NEURL1: variants seen among roughly 807,000 people sequenced by gnomAD.
NEURL1 encodes E3 ubiquitin-protein ligase NEURL1.
NEURL1 carries 26 observed loss-of-function variants against 41.2 expected under a neutral mutation model. The observed-to-expected ratio is 0.63, with a 90% CI of 0.46 to 0.87. NEURL1 has a LOEUF of 0.87. Among genes scored for constraint, NEURL1 ranks in the 40% least tolerant of loss-of-function variants. NEURL1 has a pLI of 0.00. For missense variants in NEURL1, 761 were observed against 871.1 expected, an observed-to-expected ratio of 0.87 and a Z score of 1.59; for synonymous variants, 400 against 402.3, an observed-to-expected ratio of 0.99 and a Z score of 0.07.
chr10:103,557,752 CCTT>C (rs1195596956), intron 1 of NEURL1, among the ~76,000 whole-genome samples: 3 of 152,256 alleles, frequency 2.0e-5, no homozygotes, highest in African/African-American at 4.8e-5. Context: ...TCTGGTTTCA[CCTT>C]CTTCTGGGAA....
chr10:103,541,295 T>C (rs983713090), intron 1 of NEURL1, among the ~76,000 whole-genome samples: 1 of 151,926 alleles, frequency 6.6e-6, no homozygotes, highest in East Asian at 1.9e-4. Flanking sequence ...TCAGGGGAAA[T>C]GCCTGTGTGA....
chr10:103,591,674 T>A lies in NEURL1; in HGVS notation c.*1302T>A, dbSNP rs953088381. 5 of 152,244 alleles carry A rather than the reference T, an allele frequency of 3.3e-5. No homozygotes were observed. Among genetic ancestry groups the A allele is most frequent in the African/African-American group, 9.6e-5 (4 of 41,454 alleles). The allele number at this position is 152,244 out of a possible 1,614,324, so 9.4% of individuals were successfully genotyped here. A position where few individuals can be genotyped will look rare whatever the true frequency, so the allele number is the denominator to read the frequency against. ...TTACAGAGAGGCAAACCAAGCCTCC[T>A]TAGTGCCCTGGGGCTGATGGTCACC... is the stretch of plus-strand genomic sequence containing the variant. On this transcript the variant is annotated 3_prime_UTR_variant, in exon 6 of 6. Coordinates refer to ENST00000369780, the MANE Select transcript of NEURL1 (RefSeq NM_004210.5).
rs1472586576 is a variant in NEURL1 at position 103,558,544 on chromosome 10, TGTG to T, written c.86-12327_86-12325del. 2.0e-3 allele frequency among the ~76,000 whole-genome samples: 286 copies of T among 144,638 alleles called. 1 individual carries two copies. Among genetic ancestry groups the T allele is most frequent in the African/African-American group, 6.5e-3 (254 of 39,338 alleles). 94.9% of individuals were successfully genotyped at this position (144,638 alleles called of 152,430 possible). A position where few individuals can be genotyped will look rare whatever the true frequency, so the allele number is the denominator to read the frequency against. On this transcript the variant is annotated intron_variant, in intron 1 of 5. Coordinates refer to ENST00000369780, the MANE Select transcript of NEURL1 (RefSeq NM_004210.5). The surrounding 1 kb of genome is among the most constrained non-coding windows in gnomAD (Gnocchi z 4.2). ...GTGTGTGTGTGTGTGTGTGTGTGTG[TGTG>T]TAGTGGGGCTGGTGGTGAGGAGTCG...
At chr10:103,514,118 T>A (rs1164897543) in intron 1 of NEURL1, among the ~76,000 whole-genome samples, 4 of 152,068 alleles carry the variant, frequency 2.6e-5, no homozygotes, top group Non-Finnish European at 5.9e-5. Flanking sequence ...TTTTCTTTTT[T>A]TTGAGACAGA....
At chr10:103,506,823 G>C (rs2033958666) in intron 1 of NEURL1, among the ~76,000 whole-genome samples, 1 of 152,180 alleles carries the variant, frequency 6.6e-6, no homozygotes, top group African/African-American at 2.4e-5. Context: ...GCCTCCCAAA[G>C]TACGGGGGAT....
At chr10:103,512,948 G>C (rs968646207) in intron 1 of NEURL1, among the ~76,000 whole-genome samples, 1 of 151,884 alleles carries the variant, frequency 6.6e-6, no homozygotes, top group Non-Finnish European at 1.5e-5. Flanking sequence ...GGGTCTTCTC[G>C]TCTCTGGCTG....
chr10:103,499,305 T>C (rs373131144), intron 1 of NEURL1, among the ~76,000 whole-genome samples: 1 of 152,114 alleles, frequency 6.6e-6, no homozygotes, highest in Non-Finnish European at 1.5e-5. Flanking sequence ...GACCCTGAAT[T>C]TCCTCACTAC....
At chr10:103,527,850 G>A (rs1186602479) in intron 1 of NEURL1, among the ~76,000 whole-genome samples, 1 of 152,180 alleles carries the variant, frequency 6.6e-6, no homozygotes, top group Non-Finnish European at 1.5e-5. Context: ...AACTTCTGCT[G>A]GCTGAATAGG....
rs1331031680 is a variant in NEURL1 at position 103,545,045 on chromosome 10, T to C, written c.86-25827T>C. On this transcript the variant is annotated intron_variant, in intron 1 of 5. Coordinates refer to ENST00000369780, the MANE Select transcript of NEURL1 (RefSeq NM_004210.5). The surrounding 1 kb of genome is among the most constrained non-coding windows in gnomAD (Gnocchi z 4.5). ...GGAAGTAATCCCGAAGAGGGAGGTG[T>C]CGGGGGACAGGAGCCTGAGAGAAGT... Among the ~76,000 whole-genome samples, 1 of 152,024 alleles carries C rather than the reference T, an allele frequency of 6.6e-6. No individual in the cohort carries two copies. The highest frequency in any genetic ancestry group is 6.5e-5 in the Admixed American group (1 of 15,268).
At chr10:103,513,731 G>A (rs1237153301) in intron 1 of NEURL1, among the ~76,000 whole-genome samples, 2 of 145,464 alleles carry the variant, frequency 1.4e-5, no homozygotes, top group Non-Finnish European at 3.0e-5. Flanking sequence ...TATACTGTGG[G>A]GCCAGGGTGC....
chr10:103,516,227 CAAAA>C (rs59180957), intron 1 of NEURL1, among the ~76,000 whole-genome samples: 2 of 59,348 alleles, frequency 3.4e-5, no homozygotes, highest in Non-Finnish European at 6.6e-5. Context: ...GACCCCATCT[CAAAA>C]AAAAAAAAAA....
rs1564835745 is a variant in NEURL1 at position 103,589,629 on chromosome 10, C to T, written c.1455C>T (p.Cys485=). ...SRLSDPLLST[C]SSGPLGSSAG... is the part of the protein sequence containing the mutation. ...TGTCTGACCCCTTGCTCAGCACGTGCAGCTCTGGCCCTCTGGGTAGCTCTG... is the reference window on the plus strand; with the variant it reads ...TGTCTGACCCCTTGCTCAGCACGTGTAGCTCTGGCCCTCTGGGTAGCTCTG... The change falls in exon 5 of 6, where the codon TGC becomes TGT. Residue 485 remains cysteine (C), a synonymous_variant. Transcript: ENST00000369780. 1 of 1,613,268 alleles carries T rather than the reference C, an allele frequency of 6.2e-7. No individual in the cohort carries two copies. The highest frequency in any genetic ancestry group is 1.3e-5 in the African/African-American group (1 of 75,032).
intron 1 of NEURL1, among the ~76,000 whole-genome samples, chr10:103,543,853 C>G (rs576218553): frequency 3.4e-4 from 51 of 151,866 alleles, no homozygotes; most frequent in African/African-American, 1.2e-3. Context: ...CAAAAAGCAA[C>G]AGACAAGTGA....
At chr10:103,537,949 C>T (rs918377595) in intron 1 of NEURL1, among the ~76,000 whole-genome samples, 17 of 152,060 alleles carry the variant, frequency 1.1e-4, no homozygotes, top group African/African-American at 3.4e-4. Context: ...AGCTGCTTTC[C>T]GTCACTATAG....
chr10:103,538,223 T>A (rs1564814674), intron 1 of NEURL1, among the ~76,000 whole-genome samples: 1 of 151,518 alleles, frequency 6.6e-6, no homozygotes, highest in Non-Finnish European at 1.5e-5. Context: ...GCCTCCTGAG[T>A]AGTTGGGACT....
intron 1 of NEURL1, among the ~76,000 whole-genome samples, chr10:103,536,620 T>TGG (rs2034699608): frequency 6.6e-6 from 1 of 152,298 alleles, no homozygotes; most frequent in African/African-American, 2.4e-5. Flanking sequence ...ATCTTTATGA[T>TGG]GGGGAGGAGC....
chr10:103,538,620 AT>A (rs1227912652), intron 1 of NEURL1, among the ~76,000 whole-genome samples: 1 of 148,170 alleles, frequency 6.7e-6, no homozygotes, highest in Admixed American at 6.7e-5. Flanking sequence ...ACTGATGAGC[AT>A]TTTTTCTTTT....
chr10:103,494,516 T>A (rs1564799890), intron 1 of NEURL1, 44 bp downstream of exon 1: 1 of 1,489,300 alleles, frequency 6.7e-7, no homozygotes, highest in Non-Finnish European at 9.0e-7. Context: ...GGGGCGCAGG[T>A]GGAGGGCCAG....
At chr10:103,584,401 T>A in intron 3 of NEURL1, 135 bp from the exon 4 acceptor site, 4 of 478,920 alleles carry the variant, frequency 8.4e-6, no homozygotes, top group South Asian at 5.9e-5. Flanking sequence ...TGTTCGCTAA[T>A]TTATGTCACA....
Sources: allele counts gnomAD v4.1 joint callset (sites outside exome capture counted in the v4.1 genomes callset), GRCh38; gene constraint gnomAD v4.1.1; non-coding constraint Gnocchi (gnomAD v3.1); transcripts MANE v1.5; gene names NCBI Gene and HGNC (gene_info 2026-07-23, HGNC 2026-07-21).